Variants in GRK5 observed in about 807,000 individuals in gnomAD.
GRK5 encodes the protein G protein-coupled receptor kinase 5.
A neutral mutation model predicts 78.4 loss-of-function variants in GRK5; 40 were observed. The observed-to-expected ratio is 0.51, with a 90% CI of 0.40 to 0.66. The LOEUF (loss-of-function observed/expected upper bound fraction) is 0.66, where lower values mean the gene tolerates loss of function less well. GRK5 is among the 30% of genes least tolerant of loss of function. GRK5 has a pLI of 0.00. For missense variants in GRK5, 598 were observed against 759.9 expected (o/e 0.79, Z 2.50); for synonymous variants, 289 against 296.8 (o/e 0.97, Z 0.27).
chr10:119,319,994 C>A (rs1031832241), intron 1 of GRK5, among the ~76,000 whole-genome samples: 4 of 152,256 alleles, frequency 2.6e-5, no homozygotes, highest in African/African-American at 9.6e-5. Flanking sequence ...TTCCCGGGAG[C>A]AGGTCTGACC....
rs78166748 is a variant in GRK5, at chr10:119,439,786, C to T, written c.967+18C>T. 4.8e-4 allele frequency: 775 copies of T among 1,612,564 alleles called. 14 individuals are homozygous for T. The South Asian group carries it at 7.2e-3, about 15-fold the overall frequency. ...TGATTATGGTAAGTCTTTTCCTACT[C>T]GGTAGCTGAGGTGAGCATTGCAACC... On this transcript the variant is annotated intron_variant, in intron 10 of 15. Coordinates refer to ENST00000392870, the MANE Select transcript of GRK5 (RefSeq NM_005308.3).
intron 2 of GRK5, among the ~76,000 whole-genome samples, chr10:119,339,709 A>G (rs1226642515): frequency 6.6e-6 from 1 of 152,176 alleles, no homozygotes; most frequent in Non-Finnish European, 1.5e-5. Context: ...CCTGGGCAAC[A>G]TGGCGAAACC....
intron 2 of GRK5, among the ~76,000 whole-genome samples, chr10:119,363,639 C>T (rs562672273): frequency 1.3e-5 from 2 of 152,294 alleles, no homozygotes; most frequent in South Asian, 2.1e-4. Context: ...ATGTTGCCCT[C>T]GTTGACATGG....
intron 1 of GRK5, among the ~76,000 whole-genome samples, chr10:119,254,300 CT>C (rs769472077): frequency 1.5e-4 from 23 of 152,344 alleles, no homozygotes; most frequent in Admixed American, 5.2e-4. Context: ...AACTCAAATC[CT>C]GTCTCTTGAT....
intron 1 of GRK5, among the ~76,000 whole-genome samples, chr10:119,309,388 G>T (rs1850325088): frequency 6.6e-6 from 1 of 152,220 alleles, no homozygotes; most frequent in Admixed American, 6.5e-5. Context: ...GCTCAGTAAG[G>T]CCTTGGTGGG....
At position 119,459,364 on chromosome 10, in the gene GRK5, T is replaced by A. The variant is rs909449779; in HGVS notation, c.*4297T>A. 9 of 152,090 alleles carry A rather than the reference T, an allele frequency of 5.9e-5. No homozygotes were observed. The highest frequency in any genetic ancestry group is 1.3e-4 in the Non-Finnish European group (9 of 68,020). The allele number at this position is 152,090 out of a possible 1,614,324, so 9.4% of individuals were successfully genotyped here. A position where few individuals can be genotyped will look rare whatever the true frequency, so the allele number is the denominator to read the frequency against. On this transcript the variant is annotated 3_prime_UTR_variant, in exon 16 of 16. Coordinates refer to ENST00000392870, the MANE Select transcript of GRK5 (RefSeq NM_005308.3). ...GTGCCGGAGACAGTGATTGAAAACATTTGAAAAGCCAGCTCTCCCTGGCAG... is the reference window on the plus strand; with the variant it reads ...GTGCCGGAGACAGTGATTGAAAACAATTGAAAAGCCAGCTCTCCCTGGCAG...
At chr10:119,361,687 G>A (rs1851365425) in intron 2 of GRK5, among the ~76,000 whole-genome samples, 1 of 152,174 alleles carries the variant, frequency 6.6e-6, no homozygotes, top group South Asian at 2.1e-4. Context: ...AAGGCTGGGT[G>A]CGGTGGTTCA....
chr10:119,447,951 T>C (rs554494296), intron 12 of GRK5, among the ~76,000 whole-genome samples, 172 bp from the exon 13 acceptor site: 1 of 152,286 alleles, frequency 6.6e-6, no homozygotes, highest in Admixed American at 6.5e-5. Flanking sequence ...AGGCTGTGAG[T>C]GTGTGAGCAC....
chr10:119,424,438 C>G (rs1040132292), intron 5 of GRK5, among the ~76,000 whole-genome samples: 10 of 152,190 alleles, frequency 6.6e-5, no homozygotes, highest in Non-Finnish European at 1.5e-4. Flanking sequence ...TGGCACCTGG[C>G]CCACAGCAGG....
At chr10:119,344,081 T>C (rs780207253) in intron 2 of GRK5, among the ~76,000 whole-genome samples, 5 of 150,192 alleles carry the variant, frequency 3.3e-5, no homozygotes, top group Non-Finnish European at 7.4e-5. Flanking sequence ...TTCTTTTTCT[T>C]TTTTTTTTGG....
At chr10:119,280,655 C>G (rs1849747043) in intron 1 of GRK5, among the ~76,000 whole-genome samples, 1 of 152,142 alleles carries the variant, frequency 6.6e-6, no homozygotes, top group Non-Finnish European at 1.5e-5. Flanking sequence ...ATTGGAATTG[C>G]TAGATGCTAT....
At chr10:119,425,178 C>A in intron 6 of GRK5, 93 bp downstream of exon 6, 2 of 911,056 alleles carry the variant, frequency 2.2e-6, no homozygotes, top group Non-Finnish European at 3.6e-6. Flanking sequence ...CTCCCGTGGG[C>A]TCATGGTTAA....
chr10:119,256,482 A>G (rs1849287607), intron 1 of GRK5, among the ~76,000 whole-genome samples: 1 of 152,278 alleles, frequency 6.6e-6, no homozygotes, highest in East Asian at 1.9e-4. Context: ...TGGAGCTCAC[A>G]CAGCTGAGTA....
intron 2 of GRK5, among the ~76,000 whole-genome samples, chr10:119,352,307 GA>G (rs1175890130): frequency 2.0e-5 from 3 of 152,164 alleles, no homozygotes; most frequent in African/African-American, 7.2e-5. Context: ...CAAAGAAGTA[GA>G]AAAAGATAAG....
chr10:119,268,963 A>G (rs928669), intron 1 of GRK5, among the ~76,000 whole-genome samples: 151,553 of 152,312 alleles, frequency 1, 75,406 homozygotes, highest in Non-Finnish European at 1. Context: ...CGGAGTCCCC[A>G]TGGGCCTTGG....
chr10:119,300,460 G>A (rs1850158401), intron 1 of GRK5, among the ~76,000 whole-genome samples: 1 of 152,204 alleles, frequency 6.6e-6, no homozygotes, highest in African/African-American at 2.4e-5. Flanking sequence ...TGTATATTGG[G>A]GGTGTGGTGG....
chr10:119,279,389 G>T (rs1340661369), intron 1 of GRK5, among the ~76,000 whole-genome samples: 1 of 152,198 alleles, frequency 6.6e-6, no homozygotes. Flanking sequence ...CCTGAGTGCA[G>T]TGCTTATGAT....
At chr10:119,210,677 T>C (rs1487850765) in intron 1 of GRK5, among the ~76,000 whole-genome samples, 2 of 152,236 alleles carry the variant, frequency 1.3e-5, no homozygotes, top group African/African-American at 4.8e-5. Context: ...AGATGAGAAA[T>C]ATAATTGGCA....
At chr10:119,301,413 C>A (rs887692830) in intron 1 of GRK5, among the ~76,000 whole-genome samples, 13 of 152,198 alleles carry the variant, frequency 8.5e-5, no homozygotes, top group African/African-American at 3.1e-4. Context: ...TTGGTTCATT[C>A]TCGCTGCTGA....
Sources: allele counts gnomAD v4.1 joint callset (sites outside exome capture counted in the v4.1 genomes callset), GRCh38; gene constraint gnomAD v4.1.1; transcripts MANE v1.5; gene names NCBI Gene and HGNC (gene_info 2026-07-23, HGNC 2026-07-21).